Variants in EBF4 observed in about 807,000 individuals in gnomAD.
EBF4 encodes the protein EBF transcription factor 4.
Under a neutral mutation model 67.1 loss-of-function variants are expected in EBF4, and 34 were observed. The observed-to-expected ratio is 0.51, with a 90% CI of 0.39 to 0.67. The LOEUF is 0.67. EBF4 is among the 30% of genes least tolerant of loss of function. The pLI, the probability that EBF4 is intolerant of heterozygous loss-of-function variation, is 0.00. For synonymous variants in EBF4, 387 were observed against 377.7 expected (o/e 1.02, Z -0.29); for missense variants, 837 against 873.3 (o/e 0.96, Z 0.52).
chr20:2,734,098 A>G (rs181341398), intron 6 of EBF4, among the ~76,000 whole-genome samples: 71 of 152,224 alleles, frequency 4.7e-4, no homozygotes, highest in Admixed American at 2.7e-3. Flanking sequence ...GAACATATTT[A>G]TAATTGCTCA....
chr20:2,713,671 G>A (rs1385252868), intron 6 of EBF4, among the ~76,000 whole-genome samples: 6 of 152,152 alleles, frequency 3.9e-5, no homozygotes, highest in Admixed American at 2.0e-4. Context: ...GAGGGCAAGA[G>A]ACTGAAATGT....
At chr20:2,702,282 GCTGGGC>G (rs1172393881) in intron 1 of EBF4, among the ~76,000 whole-genome samples, 24 of 152,176 alleles carry the variant, frequency 1.6e-4, no homozygotes, top group African/African-American at 5.8e-4. Context: ...AAATTAATTA[GCTGGGC>G]ATGGTGGCTC....
rs556386653 is a variant in EBF4, at chr20:2,755,953, C to T, written c.1738+129C>T. ...TGGCTAACCTGCTCTTCTTGGAGGA[C>T]GGAGAGCAGGGAGCTCTGCTGGGGT... is the stretch of plus-strand genomic sequence containing the variant. On this transcript the variant is annotated intron_variant, in intron 15 of 16. Coordinates refer to ENST00000609451, the Ensembl canonical transcript of EBF4. The surrounding 1 kb of genome is among the most constrained non-coding windows in gnomAD (Gnocchi z 4.7). 4.3e-5 allele frequency: 43 copies of T among 991,644 alleles called. 1 individual carries two copies. The highest frequency in any genetic ancestry group is 1.5e-4 in the South Asian group (9 of 59,042). 61.4% of individuals were successfully genotyped at this position (991,644 alleles called of 1,614,324 possible).
At chr20:2,713,764 A>G (rs1266422420) in intron 6 of EBF4, among the ~76,000 whole-genome samples, 12 of 152,178 alleles carry the variant, frequency 7.9e-5, no homozygotes, top group Admixed American at 6.5e-4. Flanking sequence ...GTGGACATCA[A>G]TTCTGATGGG....
At chr20:2,711,008 C>T (rs8115154) in intron 6 of EBF4, among the ~76,000 whole-genome samples, 11,441 of 151,862 alleles carry the variant, frequency 0.075, 1,169 homozygotes, top group African/African-American at 0.23. Flanking sequence ...ATTAGCTGGG[C>T]ATGGTGGTGT....
chr20:2,716,693 A>G (rs1052974942), intron 6 of EBF4, among the ~76,000 whole-genome samples: 1 of 152,220 alleles, frequency 6.6e-6, no homozygotes, highest in Non-Finnish European at 1.5e-5. Flanking sequence ...TTTTTTACTT[A>G]GGAACTACCA....
chr20:2,710,962 T>A (rs1168096858), intron 6 of EBF4, among the ~76,000 whole-genome samples: 1 of 151,792 alleles, frequency 6.6e-6, no homozygotes, highest in African/African-American at 2.4e-5. Flanking sequence ...GCCAACAGGG[T>A]AAAATCCCAT....
At chr20:2,702,136 G>C (rs1283875844) in intron 1 of EBF4, among the ~76,000 whole-genome samples, 2 of 152,188 alleles carry the variant, frequency 1.3e-5, no homozygotes, top group Non-Finnish European at 2.9e-5. Context: ...TCTGTGGTCA[G>C]AAAGAAAGGT....
rs1317479260 is a variant in EBF4, at chr20:2,756,049, C to T, written c.1738+225C>T. On this transcript the variant is annotated intron_variant, in intron 15 of 16. Coordinates refer to ENST00000609451, the Ensembl canonical transcript of EBF4. This position sits in a 1 kb window ranked among gnomAD's most constrained non-coding sequence, Gnocchi z 4.5. Reference sequence around the variant, plus strand: ...GGATGGTCACCATTCTGGATGCTCTCAGTTGACCACTTGGCCAAGGGGAAG... The same window carrying T: ...GGATGGTCACCATTCTGGATGCTCTTAGTTGACCACTTGGCCAAGGGGAAG... 6.6e-6 allele frequency among the ~76,000 whole-genome samples: 1 copy of T among 152,224 alleles called. No individual in the cohort carries two copies. The highest frequency in any genetic ancestry group is 1.5e-5 in the Non-Finnish European group (1 of 68,028).
intron 16 of EBF4, 113 bp downstream of exon 16, chr20:2,759,097 A>G (rs559382967): frequency 9.6e-7 from 1 of 1,036,296 alleles, no homozygotes; most frequent in South Asian, 1.5e-5. Context: ...CCCCACAGGG[A>G]TGGGGAGCTG....
chr20:2,727,518 G>C (rs774153334), intron 6 of EBF4, among the ~76,000 whole-genome samples: 3 of 152,160 alleles, frequency 2.0e-5, no homozygotes, highest in Non-Finnish European at 4.4e-5. Flanking sequence ...TCTGCATTTG[G>C]TTAAAATAAA....
chr20:2,716,037 C>T (rs1470160859), intron 6 of EBF4, among the ~76,000 whole-genome samples: 2 of 150,570 alleles, frequency 1.3e-5, no homozygotes, highest in Non-Finnish European at 2.9e-5. Context: ...GCATGAGCCA[C>T]CGCGCCCGGC....
intron 6 of EBF4, among the ~76,000 whole-genome samples, chr20:2,737,817 GAAAA>G (rs5839969): frequency 1.4e-3 from 208 of 143,764 alleles, no homozygotes; most frequent in Non-Finnish European, 1.5e-3. Context: ...CTAAAAATGT[GAAAA>G]AAAAAAAAAA....
At chr20:2,697,434 A>G (rs1198656302) in intron 1 of EBF4, among the ~76,000 whole-genome samples, 2 of 151,766 alleles carry the variant, frequency 1.3e-5, no homozygotes, top group East Asian at 3.9e-4. Context: ...AGTCCCAGCT[A>G]CTCAGGAGGC....
chr20:2,693,735 C>T lies in EBF4; in HGVS notation c.90C>T (p.Ser30=). 1 of 1,365,656 alleles carries T rather than the reference C, an allele frequency of 7.3e-7. No individual in the cohort carries two copies. The highest frequency in any genetic ancestry group is 1.5e-5 in the African/African-American group (1 of 65,470). 84.6% of individuals were successfully genotyped at this position (1,365,656 alleles called of 1,614,324 possible). Residue 30 remains serine, a synonymous_variant, in exon 1 of 17, where the codon TCC becomes TCT. Transcript: ENST00000609451. This position sits in a 1 kb window ranked among gnomAD's most constrained non-coding sequence, Gnocchi z 4.6. ...CCGCCGGCCTGGGCTCAGTGCGCTCCTGGATGCAGGGCGCGGGCATCCTGG... is the reference window on the plus strand; with the variant it reads ...CCGCCGGCCTGGGCTCAGTGCGCTCTTGGATGCAGGGCGCGGGCATCCTGG...
At chr20:2,744,902 A>C (rs780890907) in intron 6 of EBF4, among the ~76,000 whole-genome samples, 1 of 152,308 alleles carries the variant, frequency 6.6e-6, no homozygotes, top group South Asian at 2.1e-4. Flanking sequence ...GAGCATTCCC[A>C]CATGAAATCA....
intron 1 of EBF4, among the ~76,000 whole-genome samples, chr20:2,701,991 T>TGGCTGGG (rs2087382657): frequency 6.6e-6 from 1 of 152,180 alleles, no homozygotes; most frequent in South Asian, 2.1e-4. Flanking sequence ...TGCCTCTTGC[T>TGGCTGGG]GGCTGGGGAG....
chr20:2,731,143 C>T (rs2087808693), intron 6 of EBF4, among the ~76,000 whole-genome samples: 1 of 152,090 alleles, frequency 6.6e-6, no homozygotes, highest in Non-Finnish European at 1.5e-5. Context: ...GTGATCCGCC[C>T]GCCTCAGCCT....
chr20:2,749,697 GACA>G, exon 9 of EBF4: 2 of 1,562,560 alleles, frequency 1.3e-6, no homozygotes, highest in Non-Finnish European at 1.7e-6. Flanking sequence ...TGTCATCGGC[GACA>G]ACTTCTTCGA....
Sources: gnomAD v4.1 joint callset for allele counts (sites outside exome capture counted in the v4.1 genomes callset) on GRCh38, gnomAD v4.1.1 for gene constraint, Gnocchi (gnomAD v3.1) non-coding constraint, MANE v1.5 for transcripts, NCBI Gene and HGNC (gene_info 2026-07-23, HGNC 2026-07-21) for gene names.